Variants in CCDC51 observed in about 807,000 individuals in gnomAD.
The protein encoded by CCDC51 is mitochondrial potassium channel.
In CCDC51, 25 loss-of-function variants were observed where a neutral mutation model predicts 24.8. The observed-to-expected ratio is 1.01, with a 90% CI of 0.73 to 1.41. The LOEUF (loss-of-function observed/expected upper bound fraction) is 1.41. Ranked by LOEUF, CCDC51 falls within the 40% of genes most tolerant of loss-of-function variation. The probability of loss-of-function intolerance (pLI) is 0.00; values close to 1 mark genes in which losing one functional copy is unlikely to be tolerated. For synonymous variants in CCDC51, 190 were observed against 204.3 expected, an observed-to-expected ratio of 0.93 and a Z score of 0.60; for missense variants, 466 against 519.1, an observed-to-expected ratio of 0.90 and a Z score of 0.99.
chr3:48,440,800 C>T, upstream of CCDC51: 2 of 649,126 alleles, frequency 3.1e-6, no homozygotes, highest in Admixed American at 2.9e-5. Context: ...CAGTAAGGGC[C>T]GGGAGCTGGA....
At chr3:48,440,390 G>A (rs890205203), upstream of CCDC51, 2 of 1,611,688 alleles carry the variant, frequency 1.2e-6, no homozygotes, top group African/African-American at 1.3e-5. Context: ...GAACGTGCTC[G>A]TGTCGCCCAC....
chr3:48,435,115 C>G lies in CCDC51; in HGVS notation c.14G>C (p.Ser5Thr). The G allele has an allele frequency of 6.3e-7, 1 of 1,583,182 alleles. No individual in the cohort carries two copies. The highest frequency in any genetic ancestry group is 8.6e-7 in the Non-Finnish European group (1 of 1,164,632). Residue 5 changes from serine (S) to threonine (T), a missense_variant, in exon 2 of 4, where the codon AGC becomes ACC. Coordinates refer to ENST00000395694, the MANE Select transcript of CCDC51 (RefSeq NM_001256964.2). This position sits in a 1 kb window ranked among gnomAD's most constrained non-coding sequence, Gnocchi z 4.2. MMGR[S>T]PGFAMQHIVG... ...GATGTGCTGCATGGCAAACCCAGGG[C>G]TGCGCCCCATCATCCTGAGATCTGT...
chr3:48,442,239 A>G (rs1470326075), upstream of CCDC51, among the ~76,000 whole-genome samples: 3 of 145,050 alleles, frequency 2.1e-5, no homozygotes, highest in African/African-American at 2.6e-5. Context: ...CCAGCCTGGG[A>G]GATAGAATGA....
Position 48,432,968 on chromosome 3 carries a change from G to GCACACA in CCDC51, c.675_676insTGTGTG (p.Val225_Arg226insCysVal). On this transcript the variant is annotated inframe_insertion, in exon 4 of 4. Coordinates refer to ENST00000395694, the MANE Select transcript of CCDC51 (RefSeq NM_001256964.2). ...AGTAAAGCCTTCAGCTCCTGTAGTC[G>GCACACA]CACACGGTTCACATAGGTGGAGCCA... 1 of 1,614,068 alleles carries GCACACA rather than the reference G, an allele frequency of 6.2e-7. No individual in the cohort carries two copies. The highest frequency in any genetic ancestry group is 8.5e-7 in the Non-Finnish European group (1 of 1,180,008).
rs2039254628 is a variant in CCDC51, at chr3:48,433,565, G to A, written c.477+142C>T. 4 of 873,016 alleles carry A rather than the reference G, an allele frequency of 4.6e-6. No individual in the cohort carries two copies. In the South Asian group the frequency reaches 5.0e-5, roughly 11 times the overall value. The allele number at this position is 873,016 out of a possible 1,614,324, so 54.1% of individuals were successfully genotyped here. A position where few individuals can be genotyped will look rare whatever the true frequency, so the allele number is the denominator to read the frequency against. ...ATAGACTCTGGAAGCTTGGGGTTCT[G>A]TCCATCCATAGGAGCTTCTGGCTCA... On this transcript the variant is annotated intron_variant, in intron 3 of 3. Transcript: ENST00000395694. This position sits in a 1 kb window ranked among gnomAD's most constrained non-coding sequence, Gnocchi z 4.4.
At chr3:48,442,418 C>T (rs1361995460), upstream of CCDC51, among the ~76,000 whole-genome samples, 1 of 142,236 alleles carries the variant, frequency 7.0e-6, no homozygotes. Context: ...CCCTTTGGAT[C>T]TTCTTTCCTG....
At chr3:48,439,576 G>A (rs2039486809) in intron 1 of CCDC51, among the ~76,000 whole-genome samples, 2 of 152,052 alleles carry the variant, frequency 1.3e-5, no homozygotes, top group Admixed American at 1.3e-4. Context: ...AGGTTGCAGT[G>A]AGCCAAGATC....
rs373800753 is a variant in CCDC51 at position 48,437,423 on chromosome 3, T to A, written c.-8-2287A>T. 6.6e-6 allele frequency among the ~76,000 whole-genome samples: 1 copy of A among 152,010 alleles called. No individual in the cohort carries two copies. Among genetic ancestry groups the A allele is most frequent in the African/African-American group, 2.4e-5 (1 of 41,384 alleles). On this transcript the variant is annotated intron_variant, in intron 1 of 3. Coordinates refer to ENST00000395694, the MANE Select transcript of CCDC51 (RefSeq NM_001256964.2). The surrounding 1 kb of genome is among the most constrained non-coding windows in gnomAD (Gnocchi z 4.2). Reference sequence around the variant, plus strand: ...AGCCCCCAGGATGTCACCACTTAGATGTTTCACAGGCCCCCCAACCAGCAA... The same window carrying A: ...AGCCCCCAGGATGTCACCACTTAGAAGTTTCACAGGCCCCCCAACCAGCAA...
chr3:48,436,768 C>G (rs2039368143), intron 1 of CCDC51, among the ~76,000 whole-genome samples: 1 of 152,224 alleles, frequency 6.6e-6, no homozygotes, highest in Non-Finnish European at 1.5e-5. Flanking sequence ...CCTTTCCCAG[C>G]ACCTCCTCTA....
rs2039320193 is a variant in CCDC51 at position 48,435,359 on chromosome 3, C to T, written c.-8-223G>A. 6.6e-6 allele frequency among the ~76,000 whole-genome samples: 1 copy of T among 152,152 alleles called. No homozygotes were observed. Among genetic ancestry groups the T allele is most frequent in the Admixed American group, 6.5e-5 (1 of 15,280 alleles). ...ATGGAACACAGTTGGGGACGAGCCT[C>T]TAGGATGCCATACCTTCCAGTGCCC... is the stretch of plus-strand genomic sequence containing the variant. On this transcript the variant is annotated intron_variant, in intron 1 of 3. Coordinates refer to ENST00000395694, the MANE Select transcript of CCDC51 (RefSeq NM_001256964.2). This position sits in a 1 kb window ranked among gnomAD's most constrained non-coding sequence, Gnocchi z 4.2.
chr3:48,442,273 A>G (rs900594520), upstream of CCDC51, among the ~76,000 whole-genome samples: 84,886 of 149,718 alleles, frequency 0.57, 24,296 homozygotes, highest in East Asian at 0.7. Context: ...AAAAAAAAAA[A>G]AAAAAAGGTA....
At chr3:48,436,980 G>A (rs1294543487) in intron 1 of CCDC51, among the ~76,000 whole-genome samples, 1 of 152,068 alleles carries the variant, frequency 6.6e-6, no homozygotes, top group Non-Finnish European at 1.5e-5. Flanking sequence ...TTCACCTGGC[G>A]GTGGCCAAGA....
At chr3:48,440,953 C>T, upstream of CCDC51, 1 of 438,486 alleles carries the variant, frequency 2.3e-6, no homozygotes, top group Non-Finnish European at 4.1e-6. Flanking sequence ...CAATCTTTTG[C>T]CCCAAATTCG....
upstream of CCDC51, chr3:48,440,497 G>T (rs928695090): frequency 6.2e-7 from 1 of 1,603,364 alleles, no homozygotes; most frequent in Admixed American, 1.7e-5. Flanking sequence ...GTGCGGGGGC[G>T]CTGGGAGACA....
chr3:48,437,079 T>C lies in CCDC51; in HGVS notation c.-8-1943A>G, dbSNP rs1190727700. Among the ~76,000 whole-genome samples the C allele has an allele frequency of 6.6e-6, 1 of 152,200 alleles. No individual in the cohort carries two copies. Among genetic ancestry groups the C allele is most frequent in the Non-Finnish European group, 1.5e-5 (1 of 68,034 alleles). On this transcript the variant is annotated intron_variant, in intron 1 of 3. Transcript: ENST00000395694. The surrounding 1 kb of genome is among the most constrained non-coding windows in gnomAD (Gnocchi z 4.2). The stretch of plus-strand genomic sequence containing the variant: ...TGCTGGTCTGTGCCCTGCCACCTTG[T>C]CCAGCTGGATGACTCTTCCTCCACG...
At chr3:48,443,839 C>G (rs761279208), upstream of CCDC51, 1 of 1,558,506 alleles carries the variant, frequency 6.4e-7, no homozygotes, top group Non-Finnish European at 8.6e-7. Flanking sequence ...GACTATTTTT[C>G]TTTTGCAGCC....
In CCDC51 at chr3:48,432,587, C is replaced by T; in HGVS notation, c.1057G>A (p.Ala353Thr). The T allele has an allele frequency of 6.2e-7, 1 of 1,614,254 alleles. No individual in the cohort carries two copies. Among genetic ancestry groups the T allele is most frequent in the Non-Finnish European group, 8.5e-7 (1 of 1,180,044 alleles). The change falls in exon 4 of 4, where the codon GCA becomes ACA. Residue 353 changes from alanine to threonine, a missense_variant. Transcript: ENST00000395694. ...SAAHPGLVEPADGAMPSFLLE... is the reference protein window; with the variant it reads ...SAAHPGLVEPTDGAMPSFLLE... Reference sequence around the variant, plus strand: ...AAGAAGCTGGGCATAGCCCCGTCTGCTGGTTCCACCAGGCCTGGGTGTGCT... The same window carrying T: ...AAGAAGCTGGGCATAGCCCCGTCTGTTGGTTCCACCAGGCCTGGGTGTGCT...
Position 48,433,171 on chromosome 3 carries a change from A to G in CCDC51, c.478-5T>C. 1 of 1,608,110 alleles carries G rather than the reference A, an allele frequency of 6.2e-7. No homozygotes were observed. The highest frequency in any genetic ancestry group is 1.7e-5 in the Admixed American group (1 of 59,890). ...TGTGCGAAGCCTCTTCTCCTCCTGCAGAAGCAAAGCCATGTTATTGGATTA... is the reference window on the plus strand; with the variant it reads ...TGTGCGAAGCCTCTTCTCCTCCTGCGGAAGCAAAGCCATGTTATTGGATTA... On this transcript the variant is annotated splice_region_variant and splice_polypyrimidine_tract_variant and intron_variant, in intron 3 of 3. Coordinates refer to ENST00000395694, the MANE Select transcript of CCDC51 (RefSeq NM_001256964.2). The surrounding 1 kb of genome is among the most constrained non-coding windows in gnomAD (Gnocchi z 4.4).
chr3:48,433,845 T>C lies in CCDC51; in HGVS notation c.339A>G (p.Arg113=). Residue 113 remains arginine (R), a synonymous_variant, in exon 3 of 4, where the codon CGA becomes CGG. Coordinates refer to ENST00000395694, the MANE Select transcript of CCDC51 (RefSeq NM_001256964.2). The surrounding 1 kb of genome is among the most constrained non-coding windows in gnomAD (Gnocchi z 4.4). ...CCTCCCGAGCCTCTCGGACAAGCCC[T>C]CGAGCCACCATGAACACTTTCTCAG... ...TEAEKVFMVA[R]GLVREAREDL... is the part of the protein sequence containing the mutation. The C allele has an allele frequency of 6.2e-7, 1 of 1,613,856 alleles. No homozygotes were observed. The highest frequency in any genetic ancestry group is 1.1e-5 in the South Asian group (1 of 91,052).
Sources: allele counts gnomAD v4.1 joint callset (sites outside exome capture counted in the v4.1 genomes callset), GRCh38; gene constraint gnomAD v4.1.1; non-coding constraint Gnocchi (gnomAD v3.1); transcripts MANE v1.5; gene names NCBI Gene and HGNC (gene_info 2026-07-23, HGNC 2026-07-21).